Variants in CACNB2 observed in about 807,000 individuals in gnomAD.
CACNB2 encodes the protein calcium voltage-gated channel auxiliary subunit beta 2.
In CACNB2, 42 loss-of-function variants were observed where a neutral mutation model predicts 73.3. That is an observed-to-expected ratio of 0.57 (90% confidence interval 0.45 to 0.74). The LOEUF is 0.74. Ranked by LOEUF, CACNB2 falls within the 30% of genes least tolerant of loss-of-function variation. The probability of loss-of-function intolerance (pLI) is 0.00; values close to 1 mark genes in which losing one functional copy is unlikely to be tolerated. For missense variants in CACNB2, 940 were observed against 853.0 expected (o/e 1.10, Z -1.27); for synonymous variants, 348 against 310.3 (o/e 1.12, Z -1.28).
At chr10:18,284,984 T>C (rs1229712766) in intron 2 of CACNB2, among the ~76,000 whole-genome samples, 10 of 152,148 alleles carry the variant, frequency 6.6e-5, no homozygotes, top group Non-Finnish European at 1.5e-5. Flanking sequence ...GGAATTCACC[T>C]GGGGCTCTTT....
chr10:18,297,932 C>A (rs1166150898), intron 2 of CACNB2, among the ~76,000 whole-genome samples: 1 of 151,962 alleles, frequency 6.6e-6, no homozygotes, highest in Non-Finnish European at 1.5e-5. Flanking sequence ...GAGTGAAGGC[C>A]GAAGAATGTG....
intron 3 of CACNB2, among the ~76,000 whole-genome samples, chr10:18,418,301 T>A (rs995328262): frequency 6.6e-6 from 1 of 152,180 alleles, no homozygotes; most frequent in Non-Finnish European, 1.5e-5. Context: ...TCTCGATCTC[T>A]TGACCTCGTG....
intron 2 of CACNB2, among the ~76,000 whole-genome samples, chr10:18,265,913 C>T (rs2037776785): frequency 6.6e-6 from 1 of 152,084 alleles, no homozygotes; most frequent in Admixed American, 6.6e-5. Flanking sequence ...TCTTGAAAAG[C>T]TTTTATTAAT....
At chr10:18,265,278 C>G (rs553791765) in intron 2 of CACNB2, among the ~76,000 whole-genome samples, 5 of 151,474 alleles carry the variant, frequency 3.3e-5, no homozygotes, top group African/African-American at 1.2e-4. Context: ...TACAAGTGCC[C>G]GCCAATTTCA....
At chr10:18,199,941 C>CTGTGTGTGTGTGTGTGTG (rs141377460) in intron 2 of CACNB2, among the ~76,000 whole-genome samples, 13 of 136,410 alleles carry the variant, frequency 9.5e-5, no homozygotes, top group East Asian at 2.2e-4. Context: ...GTATATGAAA[C>CTGTGTGTGTGTGTGTGTG]TGTGTGTGTG....
intron 1 of CACNB2, 23 bp from the exon 2 acceptor site, chr10:18,150,860 T>TTTTTTTTTTTTTG: frequency 1.1e-6 from 1 of 893,776 alleles, no homozygotes; most frequent in Non-Finnish European, 1.5e-6. Context: ...TTTGTCTTTT[T>TTTTTTTTTTTTTG]TTTTTTTTTT....
chr10:18,182,721 C>T (rs1304314281), intron 2 of CACNB2, among the ~76,000 whole-genome samples: 6 of 151,114 alleles, frequency 4.0e-5, no homozygotes, highest in African/African-American at 1.2e-4. Context: ...ACTCGGGAGG[C>T]TGAGGCAGGA....
intron 7 of CACNB2, among the ~76,000 whole-genome samples, chr10:18,517,839 G>A (rs937237911): frequency 2.0e-5 from 3 of 152,150 alleles, no homozygotes; most frequent in Non-Finnish European, 4.4e-5. Context: ...GGTAGTGAGA[G>A]TTATAATATT....
intron 2 of CACNB2, among the ~76,000 whole-genome samples, chr10:18,375,233 G>A (rs10734051): frequency 0.25 from 37,624 of 151,914 alleles, 5,180 homozygotes; most frequent in East Asian, 0.65. Context: ...ATAATTGGGA[G>A]GTGAATGTGT....
intron 10 of CACNB2, among the ~76,000 whole-genome samples, 170 bp from the exon 11 acceptor site, chr10:18,533,906 A>G (rs570209322): frequency 6.6e-6 from 1 of 152,246 alleles, no homozygotes; most frequent in African/African-American, 2.4e-5. Flanking sequence ...GTGTGGAGAA[A>G]CAGCCCTTTC....
chr10:18,529,644 T>C (rs2052800358), intron 10 of CACNB2, among the ~76,000 whole-genome samples: 1 of 152,172 alleles, frequency 6.6e-6, no homozygotes, highest in Admixed American at 6.5e-5. Flanking sequence ...ACATAGGTGC[T>C]TCATTTAAGC....
chr10:18,458,013 G>A (rs2047372761), intron 3 of CACNB2, among the ~76,000 whole-genome samples: 1 of 152,118 alleles, frequency 6.6e-6, no homozygotes, highest in Non-Finnish European at 1.5e-5. Context: ...ACCAGCCTTG[G>A]ACTACAGACA....
chr10:18,480,948 G>A (rs1564598617), intron 3 of CACNB2, among the ~76,000 whole-genome samples: 1 of 151,804 alleles, frequency 6.6e-6, no homozygotes, highest in Non-Finnish European at 1.5e-5. Context: ...CAAAAGAAAT[G>A]TCTAATAACA....
At chr10:18,461,026 T>C (rs749973302) in intron 3 of CACNB2, among the ~76,000 whole-genome samples, 5 of 152,042 alleles carry the variant, frequency 3.3e-5, no homozygotes, top group Non-Finnish European at 7.4e-5. Context: ...GCCTCCTGGG[T>C]TCAAGCTATT....
intron 2 of CACNB2, among the ~76,000 whole-genome samples, chr10:18,171,995 T>C (rs1003288150): frequency 6.6e-6 from 1 of 152,072 alleles, no homozygotes; most frequent in Non-Finnish European, 1.5e-5. Flanking sequence ...TCTAGATGAA[T>C]AGTAGAGGAA....
At chr10:18,363,548 A>T (rs1291814951) in intron 2 of CACNB2, among the ~76,000 whole-genome samples, 2 of 152,194 alleles carry the variant, frequency 1.3e-5, no homozygotes, top group African/African-American at 4.8e-5. Flanking sequence ...AAGGTTCAGC[A>T]TGAAACTACC....
chr10:18,195,145 G>A (rs1183759384), intron 2 of CACNB2, among the ~76,000 whole-genome samples: 5 of 152,122 alleles, frequency 3.3e-5, no homozygotes, highest in Non-Finnish European at 7.3e-5. Flanking sequence ...AAAATGTAAT[G>A]GGCTTTGCTC....
At chr10:18,430,512 T>A (rs7077248) in intron 3 of CACNB2, among the ~76,000 whole-genome samples, 2 of 152,114 alleles carry the variant, frequency 1.3e-5, no homozygotes, top group South Asian at 2.1e-4. Context: ...GGCCTATAGT[T>A]CCAGGTATGT....
chr10:18,309,238 AAG>A (rs1408738685), intron 2 of CACNB2, among the ~76,000 whole-genome samples: 1 of 152,072 alleles, frequency 6.6e-6, no homozygotes, highest in Non-Finnish European at 1.5e-5. Context: ...TGACGGGAGA[AAG>A]AGGGGACAAT....
Sources: gnomAD v4.1 joint callset for allele counts (sites outside exome capture counted in the v4.1 genomes callset) on GRCh38, gnomAD v4.1.1 for gene constraint, MANE v1.5 for transcripts, NCBI Gene and HGNC (gene_info 2026-07-23, HGNC 2026-07-21) for gene names.